Variants in SORCS1 observed in about 807,000 individuals in gnomAD.
SORCS1 encodes VPS10 domain-containing receptor SorCS1.
SORCS1 carries 60 observed loss-of-function variants against 146.1 expected under a neutral mutation model. The observed-to-expected ratio is 0.41, with a 90% CI of 0.33 to 0.51. The LOEUF is 0.51. Ranked by LOEUF, SORCS1 falls within the 20% of genes least tolerant of loss-of-function variation. The pLI is 0.21. For synonymous variants in SORCS1, 637 were observed against 584.0 expected, an observed-to-expected ratio of 1.09 and a Z score of -1.31; for missense variants, 1,352 against 1,487.6, an observed-to-expected ratio of 0.91 and a Z score of 1.50.
At chr10:107,053,384 A>G (rs1960308677) in intron 1 of SORCS1, among the ~76,000 whole-genome samples, 1 of 152,212 alleles carries the variant, frequency 6.6e-6, no homozygotes, top group African/African-American at 2.4e-5. Flanking sequence ...TAGTTCAAGA[A>G]CAAAACAATC....
chr10:106,767,728 A>G (rs1859686154), intron 4 of SORCS1, among the ~76,000 whole-genome samples: 1 of 152,062 alleles, frequency 6.6e-6, no homozygotes, highest in Non-Finnish European at 1.5e-5. Context: ...TGACCTCAAG[A>G]GATCTGCCTG....
intron 1 of SORCS1, among the ~76,000 whole-genome samples, chr10:107,051,556 G>A (rs532541159): frequency 1.3e-5 from 2 of 152,246 alleles, no homozygotes; most frequent in South Asian, 4.1e-4. Flanking sequence ...CACACACTAA[G>A]TATTTACTAT....
intron 4 of SORCS1, among the ~76,000 whole-genome samples, chr10:106,763,634 C>T (rs1859321172): frequency 6.6e-6 from 1 of 152,164 alleles, no homozygotes; most frequent in African/African-American, 2.4e-5. Context: ...CCTTCTTCAA[C>T]ACCAGTCTTG....
intron 1 of SORCS1, among the ~76,000 whole-genome samples, chr10:107,059,422 T>A (rs1302958287): frequency 6.6e-6 from 1 of 152,364 alleles, no homozygotes; most frequent in Non-Finnish European, 1.5e-5. Context: ...CAAAAGCAAT[T>A]ACTTTGCTTT....
intron 1 of SORCS1, among the ~76,000 whole-genome samples, chr10:107,128,560 T>C (rs1966838567): frequency 6.6e-6 from 1 of 152,192 alleles, no homozygotes; most frequent in Non-Finnish European, 1.5e-5. Context: ...TACTTTGTGA[T>C]GATTAAATAT....
At chr10:107,041,702 A>G (rs965164114) in intron 1 of SORCS1, among the ~76,000 whole-genome samples, 7 of 152,122 alleles carry the variant, frequency 4.6e-5, no homozygotes, top group Non-Finnish European at 1.0e-4. Context: ...CTATCTAGTG[A>G]AAGGTGAGGA....
intron 1 of SORCS1, among the ~76,000 whole-genome samples, chr10:107,132,043 T>C (rs1966892673): frequency 6.6e-6 from 1 of 152,202 alleles, no homozygotes; most frequent in Non-Finnish European, 1.5e-5. Flanking sequence ...AAAGTTAAAC[T>C]TCTCAGACTC....
chr10:106,894,688 G>A (rs1436718550), intron 2 of SORCS1, among the ~76,000 whole-genome samples: 2 of 152,094 alleles, frequency 1.3e-5, no homozygotes, highest in Non-Finnish European at 2.9e-5. Context: ...TTCAAACAAG[G>A]TTATACTTAG....
intron 1 of SORCS1, among the ~76,000 whole-genome samples, chr10:107,079,089 A>C (rs2134227777): frequency 6.6e-6 from 1 of 152,048 alleles, no homozygotes; most frequent in East Asian, 1.9e-4. Flanking sequence ...AGCCGGGCAC[A>C]GTGGTGGGTG....
chr10:106,739,833 T>C (rs1050773345), intron 5 of SORCS1, among the ~76,000 whole-genome samples: 2 of 151,310 alleles, frequency 1.3e-5, no homozygotes, highest in Non-Finnish European at 2.9e-5. Context: ...GCACCTGTAG[T>C]CCCAGCTACT....
intron 1 of SORCS1, among the ~76,000 whole-genome samples, chr10:107,048,619 C>T (rs935094756): frequency 3.9e-5 from 6 of 151,988 alleles, no homozygotes; most frequent in South Asian, 4.2e-4. Context: ...TTATGGCGTA[C>T]GTGAAGATGG....
chr10:106,930,320 G>A (rs1409682248), intron 2 of SORCS1, among the ~76,000 whole-genome samples: 2 of 152,096 alleles, frequency 1.3e-5, no homozygotes, highest in South Asian at 2.1e-4. Flanking sequence ...GAATTAAAAG[G>A]TTAAGACAGA....
In SORCS1 at chr10:107,049,124, G is replaced by T. The variant is rs538627368; in HGVS notation, c.559-92544C>A. Among the ~76,000 whole-genome samples the T allele has an allele frequency of 2.1e-3, 321 of 151,454 alleles. 1 individual carries two copies. Among genetic ancestry groups the T allele is most frequent in the African/African-American group, 6.5e-3 (267 of 41,192 alleles). On this transcript the variant is annotated intron_variant, in intron 1 of 25. Transcript: ENST00000263054. ...AGTTCATGTCCTTTGTAGGGACATG[G>T]ATGAAATTGGAAATCATCATTCTCA...
rs1442914460 is a variant in SORCS1, at chr10:106,618,176, G to A, written c.2893C>T (p.Gln965Ter). 3 of 1,614,122 alleles carry A rather than the reference G, an allele frequency of 1.9e-6. No homozygotes were observed. The highest frequency in any genetic ancestry group is 2.5e-6 in the Non-Finnish European group (3 of 1,179,970). ...VQVSAGNAIL[Q>*]DTKTIAVYEE... Reference sequence around the variant, plus strand: ...TATACTGCGATGGTCTTTGTGTCTTGTAGGATGGCATTCCCAGCTGAGACC... The same window carrying A: ...TATACTGCGATGGTCTTTGTGTCTTATAGGATGGCATTCCCAGCTGAGACC... Residue 965 changes from glutamine (Q) to a stop codon, truncating the protein, a stop_gained, in exon 21 of 26, where the codon CAA (glutamine) becomes TAA (stop). Transcript: ENST00000263054. LOFTEE classifies it high-confidence loss of function.
intron 1 of SORCS1, among the ~76,000 whole-genome samples, chr10:107,072,738 A>G (rs989123466): frequency 7.2e-6 from 1 of 138,088 alleles, no homozygotes; most frequent in African/African-American, 3.1e-5. Flanking sequence ...AGAACAAAAT[A>G]AATTAAAAAA....
chr10:106,885,461 A>G (rs957645682), intron 2 of SORCS1, among the ~76,000 whole-genome samples: 3 of 152,126 alleles, frequency 2.0e-5, no homozygotes, highest in African/African-American at 7.2e-5. Flanking sequence ...TCTAAAAATG[A>G]TTTTTGCCCA....
chr10:107,058,975 C>T (rs997347838), intron 1 of SORCS1, among the ~76,000 whole-genome samples: 1 of 152,118 alleles, frequency 6.6e-6, no homozygotes, highest in Non-Finnish European at 1.5e-5. Flanking sequence ...AAGCACATTG[C>T]TAATAGCGCT....
intron 3 of SORCS1, among the ~76,000 whole-genome samples, chr10:106,788,471 C>A (rs1946161927): frequency 6.6e-6 from 1 of 152,162 alleles, no homozygotes; most frequent in Non-Finnish European, 1.5e-5. Flanking sequence ...TAGTTACTTC[C>A]AAAATACAAT....
At chr10:107,113,689 CAAAAAAA>C (rs538551901) in intron 1 of SORCS1, among the ~76,000 whole-genome samples, 1 of 49,200 alleles carries the variant, frequency 2.0e-5, no homozygotes, top group Admixed American at 2.3e-4. Flanking sequence ...GACTCCATCT[CAAAAAAA>C]AAAAAAAAAA....
Sources: allele counts gnomAD v4.1 joint callset (sites outside exome capture counted in the v4.1 genomes callset), GRCh38; gene constraint gnomAD v4.1.1; transcripts MANE v1.5; gene names NCBI Gene and HGNC (gene_info 2026-07-23, HGNC 2026-07-21).